The following PDE11A variants were observed in gnomAD, a reference collection of about 807,000 sequenced individuals.
PDE11A encodes the protein phosphodiesterase 11A.
Under a neutral mutation model 100.5 loss-of-function variants are expected in PDE11A, and 100 were observed. The observed-to-expected ratio is 1.00, with a 90% CI of 0.85 to 1.18. PDE11A has a LOEUF of 1.18. Among genes scored for constraint, PDE11A ranks in the 50% most tolerant of loss-of-function variants. The probability of loss-of-function intolerance (pLI) is 0.00; values close to 1 mark genes in which losing one functional copy is unlikely to be tolerated. For synonymous variants in PDE11A, 381 were observed against 420.8 expected (o/e 0.91, Z 1.16); for missense variants, 1,141 against 1,152.6 (o/e 0.99, Z 0.15).
In PDE11A at chr2:177,840,246, C is replaced by T. The variant is rs754068433; in HGVS notation, c.1500+5G>A. On this transcript the variant is annotated splice_donor_5th_base_variant and intron_variant, in intron 6 of 19. Coordinates refer to ENST00000286063, the MANE Select transcript of PDE11A (RefSeq NM_016953.4). The stretch of plus-strand genomic sequence containing the variant: ...TAGGATTGCAACCAGAGGGGCTCCT[C>T]TTACCTCTGCATCAAAGCGCGGATC... 1 of 1,614,036 alleles carries T rather than the reference C, an allele frequency of 6.2e-7. No individual in the cohort carries two copies. Among genetic ancestry groups the T allele is most frequent in the South Asian group, 1.1e-5 (1 of 91,070 alleles).
chr2:177,770,998 T>C (rs895104320), intron 9 of PDE11A, among the ~76,000 whole-genome samples: 4 of 152,134 alleles, frequency 2.6e-5, no homozygotes, highest in Non-Finnish European at 4.4e-5. Flanking sequence ...AACTAATTTT[T>C]GTATTGTTTT....
chr2:177,819,867 TTTCTC>T (rs1558954549), intron 7 of PDE11A, among the ~76,000 whole-genome samples: 1 of 119,318 alleles, frequency 8.4e-6, no homozygotes, highest in Non-Finnish European at 1.8e-5. Flanking sequence ...TCTTTCTCTC[TTTCTC>T]TCTCTCTCTC....
chr2:177,660,113 TTC>T (rs2080461896), intron 19 of PDE11A, among the ~76,000 whole-genome samples: 1 of 89,266 alleles, frequency 1.1e-5, no homozygotes, highest in Non-Finnish European at 2.3e-5. Flanking sequence ...CTCTCTCTCT[TTC>T]TTTCTTTCTT....
In PDE11A at chr2:178,071,710, A is replaced by G; in HGVS notation, c.728T>C (p.Val243Ala). Residue 243 changes from valine to alanine, a missense_variant, in exon 1 of 20, where the codon GTG (valine) becomes GCG (alanine). Val to Ala is a moderately conservative substitution (Grantham distance 64, BLOSUM62 0). Coordinates refer to ENST00000286063, the MANE Select transcript of PDE11A (RefSeq NM_016953.4). The stretch of plus-strand genomic sequence containing the variant: ...CTTCTTGCCAGCAGCTGCCCCTTCC[A>G]CCAGGAAAAGAGAGCAGCGGTCAGC... Reference protein sequence around the residue: ...VDADRCSLFLVEGAAAGKKTL... With the variant: ...VDADRCSLFLAEGAAAGKKTL... 6.2e-7 allele frequency: 1 copy of G among 1,614,024 alleles called. No homozygotes were observed. The highest frequency in any genetic ancestry group is 1.1e-5 in the South Asian group (1 of 91,066).
chr2:177,845,810 C>T (rs1462839713), intron 5 of PDE11A, among the ~76,000 whole-genome samples: 1 of 152,242 alleles, frequency 6.6e-6, no homozygotes, highest in Non-Finnish European at 1.5e-5. Context: ...TGGTGGATCA[C>T]TTGCGGTTAG....
intron 2 of PDE11A, among the ~76,000 whole-genome samples, chr2:177,968,974 T>C (rs904412735): frequency 2.0e-5 from 3 of 152,212 alleles, no homozygotes; most frequent in Non-Finnish European, 4.4e-5. Flanking sequence ...CACATGTATG[T>C]TTATTGCAAC....
chr2:177,909,531 A>G (rs187076131), intron 2 of PDE11A, among the ~76,000 whole-genome samples: 1 of 152,320 alleles, frequency 6.6e-6, no homozygotes, highest in African/African-American at 2.4e-5. Context: ...TAGCCAGCTC[A>G]AATTCCTTCA....
chr2:177,658,106 C>A lies in PDE11A; in HGVS notation c.2646+5760G>T, dbSNP rs182053719. Among the ~76,000 whole-genome samples the A allele has an allele frequency of 1.8e-3, 275 of 152,278 alleles. 2 individuals are homozygous for A. Among genetic ancestry groups the A allele is most frequent in the African/African-American group, 5.7e-3 (236 of 41,548 alleles). ...CACGGGGCTGGCACAGCATCACAGC[C>A]AGAGTTGCGACCAGCCACCTCTCAG... is the stretch of plus-strand genomic sequence containing the variant. On this transcript the variant is annotated intron_variant, in intron 19 of 19. Transcript: ENST00000286063.
At position 177,986,002 on chromosome 2, in the gene PDE11A, A is replaced by T. The variant is rs148478592; in HGVS notation, c.1071+28300T>A. ...AACTATTTCAAGCAGCAAGGAAACA[A>T]GGCAAAAAGGATCCTTTTGCTCACT... On this transcript the variant is annotated intron_variant, in intron 2 of 19. Transcript: ENST00000286063. Among the ~76,000 whole-genome samples, 6 of 152,356 alleles carry T rather than the reference A, an allele frequency of 3.9e-5. No individual in the cohort carries two copies. The East Asian group carries it at 1.2e-3, about 29-fold the overall frequency.
chr2:178,100,622 G>A (rs1232141842), intron 2 of PDE11A, among the ~76,000 whole-genome samples: 2 of 152,054 alleles, frequency 1.3e-5, no homozygotes, highest in Non-Finnish European at 2.9e-5. Flanking sequence ...CTCATCAGCA[G>A]AACTAACAAA....
chr2:177,876,489 C>G (rs984094831), intron 4 of PDE11A, among the ~76,000 whole-genome samples: 5 of 148,282 alleles, frequency 3.4e-5, no homozygotes, highest in Admixed American at 6.6e-5. Flanking sequence ...CATACCAGTG[C>G]GAGAGTTGAC....
intron 5 of PDE11A, among the ~76,000 whole-genome samples, chr2:177,871,660 C>A (rs2084138934): frequency 6.6e-6 from 1 of 151,632 alleles, no homozygotes; most frequent in South Asian, 2.1e-4. Context: ...GAATTTGAGA[C>A]CAGCCTGGGC....
At chr2:178,064,564 A>T (rs1295949592) in intron 1 of PDE11A, among the ~76,000 whole-genome samples, 1 of 152,126 alleles carries the variant, frequency 6.6e-6, no homozygotes, top group Non-Finnish European at 1.5e-5. Context: ...ATGCTTGCTA[A>T]CGAGCTGTGT....
intron 13 of PDE11A, among the ~76,000 whole-genome samples, chr2:177,711,476 A>G (rs1453045437): frequency 6.6e-6 from 1 of 152,248 alleles, no homozygotes; most frequent in African/African-American, 2.4e-5. Flanking sequence ...AACGCCATAA[A>G]GGCAAATATT....
At chr2:178,060,550 T>C (rs1182961395) in intron 1 of PDE11A, among the ~76,000 whole-genome samples, 1 of 152,186 alleles carries the variant, frequency 6.6e-6, no homozygotes, top group Non-Finnish European at 1.5e-5. Context: ...CATTTTAGAA[T>C]TGCAGAAACT....
chr2:177,724,812 T>TTC (rs2081576648), intron 12 of PDE11A, among the ~76,000 whole-genome samples: 1 of 151,938 alleles, frequency 6.6e-6, no homozygotes, highest in African/African-American at 2.4e-5. Context: ...TAAGGTTTTT[T>TTC]CCCCCTTTTC....
chr2:178,077,853 A>G (rs1322662072), intron 2 of PDE11A, among the ~76,000 whole-genome samples: 1 of 152,064 alleles, frequency 6.6e-6, no homozygotes, highest in Non-Finnish European at 1.5e-5. Context: ...TGATGGGTCT[A>G]CAAGCCAAGG....
chr2:177,845,758 C>G (rs1307679080), intron 5 of PDE11A, among the ~76,000 whole-genome samples: 7 of 152,212 alleles, frequency 4.6e-5, no homozygotes, highest in African/African-American at 1.7e-4. Flanking sequence ...ACTGAGTGAA[C>G]GAGACTCCGT....
intron 9 of PDE11A, among the ~76,000 whole-genome samples, chr2:177,770,897 G>A (rs2082302329): frequency 1.3e-5 from 2 of 152,158 alleles, no homozygotes; most frequent in South Asian, 4.1e-4. Flanking sequence ...TGTGATCATA[G>A]CTCACTGAAG....
Sources: gnomAD v4.1 joint callset for allele counts (sites outside exome capture counted in the v4.1 genomes callset) on GRCh38, gnomAD v4.1.1 for gene constraint, MANE v1.5 for transcripts, NCBI Gene and HGNC (gene_info 2026-07-23, HGNC 2026-07-21) for gene names.